The following GRM7 variants were observed in gnomAD, a reference collection of about 807,000 sequenced individuals.
GRM7 encodes glutamate metabotropic receptor 7.
GRM7 carries 35 observed loss-of-function variants against 84.5 expected under a neutral mutation model. That is an observed-to-expected ratio of 0.41 (90% CI 0.32 to 0.55). GRM7 has a LOEUF of 0.55. Ranked by LOEUF, GRM7 falls within the 20% of genes least tolerant of loss-of-function variation. GRM7 has a pLI of 0.19. For synonymous variants in GRM7, 487 were observed against 455.1 expected, an observed-to-expected ratio of 1.07 and a Z score of -0.89; for missense variants, 1,003 against 1,194.6, an observed-to-expected ratio of 0.84 and a Z score of 2.36.
At chr3:7,351,339 GA>G (rs768248079) in intron 4 of GRM7, among the ~76,000 whole-genome samples, 2,994 of 45,952 alleles carry the variant, frequency 0.065, 55 homozygotes, top group Middle Eastern at 0.095. Flanking sequence ...TCCCACAGGC[GA>G]AAAAAAAAAA....
chr3:7,289,299 C>A (rs1699537669), intron 2 of GRM7, among the ~76,000 whole-genome samples: 2 of 152,098 alleles, frequency 1.3e-5, no homozygotes, highest in Admixed American at 6.6e-5. Context: ...TCATGACCTG[C>A]CAAGATACCA....
In GRM7 at chr3:7,461,707, C is replaced by A. The variant is rs144429264; in HGVS notation, c.1500C>A (p.Asp500Glu). 7.3e-5 allele frequency: 117 copies of A among 1,613,758 alleles called. No homozygotes were observed. The highest frequency in any genetic ancestry group is 9.3e-6 in the Non-Finnish European group (11 of 1,179,826). The stretch of plus-strand genomic sequence containing the variant: ...ACCGTCTGATCGGGCAGTGGACAGA[C>A]GAACTTCAGCTCAATGTGAGTTCTG... Reference protein sequence around the residue: ...PGYRLIGQWTDELQLNIEDMQ... With the variant: ...PGYRLIGQWTEELQLNIEDMQ... Residue 500 changes from aspartate to glutamate, a missense_variant, in exon 7 of 10, where the codon GAC becomes GAA. Coordinates refer to ENST00000357716, the MANE Select transcript of GRM7 (RefSeq NM_000844.4).
intron 4 of GRM7, among the ~76,000 whole-genome samples, chr3:7,328,963 T>C (rs1701088226): frequency 6.6e-6 from 1 of 152,104 alleles, no homozygotes; most frequent in African/African-American, 2.4e-5. Flanking sequence ...GTGCTCTTCC[T>C]TTTCAACATA....
rs950530095 is a variant in GRM7, at chr3:7,172,326, A to G, written c.736+25658A>G. Among the ~76,000 whole-genome samples the G allele has an allele frequency of 7.2e-5, 11 of 152,218 alleles. No homozygotes were observed. In the South Asian group the frequency reaches 8.3e-4, roughly 11 times the overall value. On this transcript the variant is annotated intron_variant, in intron 2 of 9. Coordinates refer to ENST00000357716, the MANE Select transcript of GRM7 (RefSeq NM_000844.4). ...ATTCCTCTAGGTTTTAAATGTTTGC[A>G]ACAGTTCTTCCAAAGGTAAGGAAGT... is the stretch of plus-strand genomic sequence containing the variant.
chr3:6,963,324 A>G (rs894250918), intron 1 of GRM7, among the ~76,000 whole-genome samples: 1 of 152,234 alleles, frequency 6.6e-6, no homozygotes, highest in Non-Finnish European at 1.5e-5. Flanking sequence ...AATATCTACT[A>G]TATAATTAAG....
intron 4 of GRM7, among the ~76,000 whole-genome samples, chr3:7,413,291 G>A (rs1696020903): frequency 1.3e-5 from 2 of 152,092 alleles, no homozygotes; most frequent in South Asian, 2.1e-4. Flanking sequence ...ATATTCCAAG[G>A]CATTGTAAAT....
intron 5 of GRM7, among the ~76,000 whole-genome samples, chr3:7,426,884 AAAT>A (rs1266585268): frequency 6.6e-6 from 1 of 152,160 alleles, no homozygotes; most frequent in Non-Finnish European, 1.5e-5. Flanking sequence ...TTAAAACCAA[AAAT>A]CTGCTTTGCA....
chr3:6,922,611 G>C (rs930993364), intron 1 of GRM7, among the ~76,000 whole-genome samples: 2 of 152,054 alleles, frequency 1.3e-5, no homozygotes, highest in African/African-American at 4.8e-5. Flanking sequence ...TACTTCATTA[G>C]ATCACAAATT....
At chr3:7,411,472 A>G (rs1230801053) in intron 4 of GRM7, among the ~76,000 whole-genome samples, 2 of 152,148 alleles carry the variant, frequency 1.3e-5, no homozygotes. Context: ...GTACCACCAG[A>G]AATAATCTAA....
intron 4 of GRM7, among the ~76,000 whole-genome samples, chr3:7,414,546 T>C (rs1197308939): frequency 6.6e-6 from 1 of 152,210 alleles, no homozygotes; most frequent in Non-Finnish European, 1.5e-5. Flanking sequence ...CCTGCTCATC[T>C]GGACACTCTT....
Position 6,861,416 on chromosome 3 carries a change from G to C in GRM7, c.28G>C (p.Val10Leu), listed in dbSNP as rs761149154. The change falls in exon 1 of 10, where the codon GTC becomes CTC. Residue 10 changes from valine to leucine, a missense_variant. Val to Leu is a conservative substitution (Grantham distance 32). Around this residue, in one of 2 missense-constraint regions of GRM7, gnomAD observed 93 missense variants for 68.6 expected, o/e 1.36. Coordinates refer to ENST00000357716, the MANE Select transcript of GRM7 (RefSeq NM_000844.4). This position sits in a 1 kb window ranked among gnomAD's most constrained non-coding sequence, Gnocchi z 6.4. ...GGTCCAGCTGAGGAAGCTGCTCCGC[G>C]TCCTGACTTTGATGAAGTTCCCCTG... is the stretch of plus-strand genomic sequence containing the variant. MVQLRKLLR[V>L]LTLMKFPCCV... 6.3e-7 allele frequency: 1 copy of C among 1,596,084 alleles called. No individual in the cohort carries two copies. Among genetic ancestry groups the C allele is most frequent in the Non-Finnish European group, 8.5e-7 (1 of 1,173,372 alleles).
chr3:7,203,296 G>A (rs1270558738), intron 2 of GRM7, among the ~76,000 whole-genome samples: 1 of 152,126 alleles, frequency 6.6e-6, no homozygotes, highest in Non-Finnish European at 1.5e-5. Flanking sequence ...ACATATGCGT[G>A]AGAATATGTA....
chr3:7,230,725 A>G (rs1019898543), intron 2 of GRM7, among the ~76,000 whole-genome samples: 3 of 152,206 alleles, frequency 2.0e-5, no homozygotes, highest in African/African-American at 7.2e-5. Context: ...TGAATTGGCC[A>G]TGATCTGGAA....
At chr3:7,582,643 G>C (rs1008549802) in intron 8 of GRM7, among the ~76,000 whole-genome samples, 1 of 148,498 alleles carries the variant, frequency 6.7e-6, no homozygotes, top group African/African-American at 2.4e-5. Flanking sequence ...ACTTTTCTGT[G>C]CATATTATAA....
intron 2 of GRM7, among the ~76,000 whole-genome samples, chr3:7,165,533 A>G (rs1694772909): frequency 6.6e-6 from 1 of 152,246 alleles, no homozygotes; most frequent in Non-Finnish European, 1.5e-5. Context: ...CTGTCAGAAA[A>G]GAAGAAAAAT....
rs375087821 is a variant in GRM7, at chr3:6,977,505, G to C, written c.519+115598G>C. On this transcript the variant is annotated intron_variant, in intron 1 of 9. Coordinates refer to ENST00000357716, the MANE Select transcript of GRM7 (RefSeq NM_000844.4). ...TTCTTCAATGTCAGAGGTCACAAAA[G>C]ATGGGACGTCTAAATTTAGATTCAG... 1.1e-4 allele frequency among the ~76,000 whole-genome samples: 17 copies of C among 152,224 alleles called. No homozygotes were observed. The South Asian group carries it at 3.3e-3, about 30-fold the overall frequency.
intron 1 of GRM7, among the ~76,000 whole-genome samples, chr3:7,134,556 C>G (rs1486812879): frequency 3.3e-5 from 5 of 152,050 alleles, no homozygotes; most frequent in Non-Finnish European, 7.4e-5. Flanking sequence ...ATTGCAATTC[C>G]TTGTTCATAT....
chr3:7,624,654 AGTT>A (rs1697521480), intron 8 of GRM7, among the ~76,000 whole-genome samples: 1 of 152,098 alleles, frequency 6.6e-6, no homozygotes, highest in South Asian at 2.1e-4. Flanking sequence ...ACCATCTCCG[AGTT>A]GTTATGAAAA....
At chr3:7,128,524 T>TC (rs1490945564) in intron 1 of GRM7, among the ~76,000 whole-genome samples, 1 of 83,012 alleles carries the variant, frequency 1.2e-5, no homozygotes, top group Admixed American at 9.9e-5. Context: ...TTTTTTTTTT[T>TC]TGAGATGGAG....
Sources: allele counts gnomAD v4.1 joint callset (sites outside exome capture counted in the v4.1 genomes callset), GRCh38; gene constraint gnomAD v4.1.1; regional missense constraint gnomAD v4.1.1; non-coding constraint Gnocchi (gnomAD v3.1); transcripts MANE v1.5; gene names NCBI Gene and HGNC (gene_info 2026-07-23, HGNC 2026-07-21).